UBASH3A: variants seen among roughly 807,000 people sequenced by gnomAD.
UBASH3A encodes the protein ubiquitin-associated and SH3 domain-containing protein A.
A neutral mutation model predicts 73.5 loss-of-function variants in UBASH3A; 63 were observed. The ratio of observed to expected loss-of-function variants is 0.86; its 90% CI spans 0.70 to 1.06. The LOEUF is 1.06. UBASH3A is among the 50% of genes least tolerant of loss of function. The pLI, the probability that UBASH3A is intolerant of heterozygous loss-of-function variation, is 0.00. For missense variants in UBASH3A, 860 were observed against 859.0 expected, an observed-to-expected ratio of 1.00 and a Z score of -0.02; for synonymous variants, 363 against 351.1, an observed-to-expected ratio of 1.03 and a Z score of -0.38.
chr21:42,428,790 G>A (rs2053481752), intron 8 of UBASH3A, among the ~76,000 whole-genome samples: 1 of 152,046 alleles, frequency 6.6e-6, no homozygotes, highest in Non-Finnish European at 1.5e-5. Context: ...GCTGAAAACA[G>A]AACATGCATC....
intron 8 of UBASH3A, 40 bp downstream of exon 8, chr21:42,426,860 CA>C: frequency 6.2e-7 from 1 of 1,604,226 alleles, no homozygotes; most frequent in Non-Finnish European, 8.5e-7. Flanking sequence ...GTAAACTAAG[CA>C]AAACTACACT....
intron 12 of UBASH3A, 82 bp from the exon 13 acceptor site, chr21:42,443,230 C>A: frequency 6.8e-7 from 1 of 1,479,416 alleles, no homozygotes; most frequent in East Asian, 2.5e-5. Flanking sequence ...AGAACGTTCT[C>A]CTTCCCCAGC....
At chr21:42,408,403 T>C (rs2146492060) in intron 2 of UBASH3A, among the ~76,000 whole-genome samples, 1 of 152,332 alleles carries the variant, frequency 6.6e-6, no homozygotes, top group South Asian at 2.1e-4. Flanking sequence ...TAAATAGCCC[T>C]AAATAGATGG....
intron 8 of UBASH3A, among the ~76,000 whole-genome samples, 162 bp downstream of exon 8, chr21:42,426,982 T>G (rs1019354679): frequency 3.9e-5 from 6 of 152,066 alleles, no homozygotes; most frequent in African/African-American, 1.4e-4. Flanking sequence ...GGTCTGAGGG[T>G]GCCGGGGGTC....
At chr21:42,429,208 G>A (rs2053489259) in intron 8 of UBASH3A, among the ~76,000 whole-genome samples, 1 of 152,234 alleles carries the variant, frequency 6.6e-6, no homozygotes, top group Non-Finnish European at 1.5e-5. Context: ...TAGAATGTCA[G>A]AGGGAGCATG....
Position 42,413,299 on chromosome 21 carries a change from CG to C in UBASH3A, c.553+79del. On this transcript the variant is annotated intron_variant, in intron 4 of 14. Coordinates refer to ENST00000319294, the MANE Select transcript of UBASH3A (RefSeq NM_018961.4). The surrounding 1 kb of genome is among the most constrained non-coding windows in gnomAD (Gnocchi z 4.5). Reference sequence around the variant, plus strand: ...GCCCTCTGTGGCAGGGACTAGCCCCCGGCACATGGATGCAGTGGGTGGGTTC... The same window carrying C: ...GCCCTCTGTGGCAGGGACTAGCCCCCGCACATGGATGCAGTGGGTGGGTTC... 3.8e-6 allele frequency: 6 copies of C among 1,567,098 alleles called. No individual in the cohort carries two copies. In the South Asian group the frequency reaches 6.8e-5, roughly 18 times the overall value.
intron 11 of UBASH3A, among the ~76,000 whole-genome samples, chr21:42,438,447 C>T (rs1331979911): frequency 1.3e-5 from 2 of 152,122 alleles, no homozygotes; most frequent in African/African-American, 2.4e-5. Context: ...GCAGAGTGAC[C>T]GCTGGGCAGC....
chr21:42,431,651 T>G (rs1279266779), intron 8 of UBASH3A, among the ~76,000 whole-genome samples: 1 of 152,086 alleles, frequency 6.6e-6, no homozygotes. Flanking sequence ...CCTCAACAGG[T>G]CAACACCAGG....
intron 3 of UBASH3A, among the ~76,000 whole-genome samples, chr21:42,411,189 CACAG>C (rs1348154720): frequency 1.3e-5 from 2 of 151,824 alleles, no homozygotes; most frequent in Admixed American, 1.3e-4. Context: ...GATATAGACA[CACAG>C]ACACACACAT....
intron 8 of UBASH3A, among the ~76,000 whole-genome samples, chr21:42,431,158 T>C (rs962354035): frequency 6.6e-6 from 1 of 152,204 alleles, no homozygotes; most frequent in Non-Finnish European, 1.5e-5. Flanking sequence ...TTGCTGTGGG[T>C]TCCTCTCAAG....
intron 9 of UBASH3A, among the ~76,000 whole-genome samples, chr21:42,434,333 A>G (rs1021870480): frequency 1.7e-5 from 2 of 116,080 alleles, no homozygotes; most frequent in African/African-American, 3.2e-5. Flanking sequence ...CTGGTGGGAG[A>G]CAGTCCCAGT....
intron 7 of UBASH3A, among the ~76,000 whole-genome samples, chr21:42,421,795 C>T (rs934884421): frequency 3.3e-5 from 5 of 152,070 alleles, no homozygotes; most frequent in Non-Finnish European, 1.5e-5. Context: ...TAAGAAAGAA[C>T]GTATTTTGAA....
At chr21:42,419,700 C>A (rs1201086020) in intron 7 of UBASH3A, among the ~76,000 whole-genome samples, 3 of 152,220 alleles carry the variant, frequency 2.0e-5, no homozygotes, top group Non-Finnish European at 4.4e-5. Context: ...CAGAAGGTTT[C>A]CAACTTACAA....
At chr21:42,405,993 G>GC (rs1568904790) in intron 1 of UBASH3A, among the ~76,000 whole-genome samples, 4 of 150,188 alleles carry the variant, frequency 2.7e-5, no homozygotes, top group Non-Finnish European at 5.9e-5. Context: ...TGGGGGGGGG[G>GC]GGGGCAGGCC....
chr21:42,434,366 C>T (rs2053589870), intron 9 of UBASH3A, among the ~76,000 whole-genome samples: 1 of 152,028 alleles, frequency 6.6e-6, no homozygotes, highest in South Asian at 2.1e-4. Context: ...AGCCTGGCTT[C>T]AAGCAATTGA....
In UBASH3A at chr21:42,404,830, C is replaced by T. The variant is rs138851582; in HGVS notation, c.113+772C>T. ...ACAGTGTGAGCGCGACCCTGCTTACCCAAGGGAAAGGCCTGCATGTGGAAG... is the reference window on the plus strand; with the variant it reads ...ACAGTGTGAGCGCGACCCTGCTTACTCAAGGGAAAGGCCTGCATGTGGAAG... On this transcript the variant is annotated intron_variant, in intron 1 of 14. Coordinates refer to ENST00000319294, the MANE Select transcript of UBASH3A (RefSeq NM_018961.4). Among the ~76,000 whole-genome samples, 136 of 152,168 alleles carry T rather than the reference C, an allele frequency of 8.9e-4. 2 individuals carry two copies. Among genetic ancestry groups the T allele is most frequent in the African/African-American group, 3.2e-3 (131 of 41,516 alleles).
intron 1 of UBASH3A, among the ~76,000 whole-genome samples, 161 bp from the exon 2 acceptor site, chr21:42,406,147 T>A (rs904460251): frequency 2.0e-5 from 3 of 152,004 alleles, no homozygotes; most frequent in African/African-American, 7.3e-5. Context: ...ATGGCAGCAC[T>A]CAGGGGACAG....
intron 6 of UBASH3A, among the ~76,000 whole-genome samples, chr21:42,417,867 T>C (rs867809025): frequency 0.013 from 1,786 of 136,252 alleles, 44 homozygotes; most frequent in African/African-American, 0.046. Flanking sequence ...CTCTTTTTTT[T>C]TTCTTTTTTT....
intron 5 of UBASH3A, 32 bp from the exon 6 acceptor site, chr21:42,416,410 C>G: frequency 4.6e-6 from 7 of 1,527,922 alleles, no homozygotes; most frequent in South Asian, 2.6e-5. Context: ...TAACGGTGTC[C>G]TGGCACCCTC....
Sources: allele counts gnomAD v4.1 joint callset (sites outside exome capture counted in the v4.1 genomes callset), GRCh38; gene constraint gnomAD v4.1.1; non-coding constraint Gnocchi (gnomAD v3.1); transcripts MANE v1.5; gene names NCBI Gene and HGNC (gene_info 2026-07-23, HGNC 2026-07-21).